SLC25A48: variants seen among roughly 807,000 people sequenced by gnomAD.
SLC25A48 encodes the protein solute carrier family 25 member 48, also known as CTC-321K16.1.
Under a neutral mutation model 32.2 loss-of-function variants are expected in SLC25A48, and 29 were observed. The observed-to-expected ratio is 0.90, with a 90% confidence interval of 0.67 to 1.23. The LOEUF is 1.23. SLC25A48 is among the 50% of genes most tolerant of loss of function. SLC25A48 has a pLI of 0.00. For synonymous variants in SLC25A48, 164 were observed against 172.3 expected (o/e 0.95, Z 0.38); for missense variants, 399 against 422.7 (o/e 0.94, Z 0.49).
chr5:135,682,867 T>C lies in SLC25A48; in HGVS notation c.-521+47911T>C, dbSNP rs552481504. 7.9e-5 allele frequency among the ~76,000 whole-genome samples: 12 copies of C among 152,372 alleles called. No individual in the cohort carries two copies. The South Asian group carries it at 1.9e-3, about 24-fold the overall frequency. ...TTTTATAGTTTTTAAAATGTAATTC[T>C]ATCCATGGTCTTACTGGGAGGCACA... On this transcript the variant is annotated intron_variant, in intron 3 of 10. Coordinates refer to the SLC25A48 transcript ENST00000646290.
At chr5:135,849,545 C>T (rs140324010) in intron 2 of SLC25A48, among the ~76,000 whole-genome samples, 7 of 152,296 alleles carry the variant, frequency 4.6e-5, no homozygotes, top group Middle Eastern at 3.4e-3. Flanking sequence ...AGTCCTTGTT[C>T]AGTCAGTGCA....
chr5:135,597,991 G>A (rs371223749), intron 1 of SLC25A48, among the ~76,000 whole-genome samples: 17 of 149,986 alleles, frequency 1.1e-4, no homozygotes, highest in African/African-American at 3.9e-4. Context: ...GTGACAGAGT[G>A]AGACTCTGTC....
intron 3 of SLC25A48, among the ~76,000 whole-genome samples, chr5:135,666,921 A>G (rs1006111100): frequency 9.2e-5 from 14 of 152,344 alleles, no homozygotes; most frequent in Middle Eastern, 3.4e-3. Context: ...AAGGTTTACC[A>G]TGAACAGATT....
rs1754067255 is a variant in SLC25A48, at chr5:135,688,374, T to G, written c.-521+53418T>G. Reference sequence around the variant, plus strand: ...ATAGTTGACTTTATTGGTGTTCTGATCTCTAGATAATCCAGATATTCCTGT... The same window carrying G: ...ATAGTTGACTTTATTGGTGTTCTGAGCTCTAGATAATCCAGATATTCCTGT... On this transcript the variant is annotated intron_variant, in intron 3 of 10. Coordinates refer to the SLC25A48 transcript ENST00000646290. Among the ~76,000 whole-genome samples, 9 of 152,202 alleles carry G rather than the reference T, an allele frequency of 5.9e-5. 1 individual carries two copies. The South Asian group carries it at 1.9e-3, about 32-fold the overall frequency.
rs1762807588 is a variant in SLC25A48 at position 135,888,336 on chromosome 5, C to T, written c.*312C>T. On this transcript the variant is annotated 3_prime_UTR_variant, in exon 8 of 8. Transcript: ENST00000681962. ...ATGAGCACCAGGGAGCCAGAAACCA[C>T]CCAGAGAAACGTTGCTTCACTCCTC... 4.9e-6 allele frequency: 2 copies of T among 409,474 alleles called. No individual in the cohort carries two copies. Among genetic ancestry groups the T allele is most frequent in the African/African-American group, 4.0e-5 (2 of 50,330 alleles). The allele number at this position is 409,474 out of a possible 1,614,324, so 25.4% of individuals were successfully genotyped here. A position where few individuals can be genotyped will look rare whatever the true frequency, so the allele number is the denominator to read the frequency against.
At chr5:135,742,380 C>T in intron 3 of SLC25A48, 1 of 1,157,176 alleles carries the variant, frequency 8.6e-7, no homozygotes, top group South Asian at 2.0e-5. Flanking sequence ...CACACCTGGC[C>T]TAGGAATCCG....
Position 135,650,432 on chromosome 5 carries a change from A to G in SLC25A48, c.-521+15476A>G, listed in dbSNP as rs1349296740. ...GCTTCCTTCACATGGGGTGGGAGAGAGCCTCCAGACACAGTGAGTTCCCAG... is the reference window on the plus strand; with the variant it reads ...GCTTCCTTCACATGGGGTGGGAGAGGGCCTCCAGACACAGTGAGTTCCCAG... On this transcript the variant is annotated intron_variant, in intron 3 of 10. Transcript: ENST00000646290. 1.1e-4 allele frequency: 50 copies of G among 456,000 alleles called. 2 individuals are homozygous for G. The highest frequency in any genetic ancestry group is 7.3e-4 in the South Asian group (47 of 64,566). The allele number at this position is 456,000 out of a possible 1,614,324, so 28.2% of individuals were successfully genotyped here. A position where few individuals can be genotyped will look rare whatever the true frequency, so the allele number is the denominator to read the frequency against.
intron 3 of SLC25A48, chr5:135,648,648 G>C (rs1018120519): frequency 3.9e-5 from 6 of 152,220 alleles, no homozygotes; most frequent in Non-Finnish European, 7.3e-5. Flanking sequence ...CAGCTCTGAG[G>C]GTTTATGATC....
intron 3 of SLC25A48, among the ~76,000 whole-genome samples, chr5:135,661,368 G>A (rs1330197997): frequency 6.6e-6 from 1 of 152,202 alleles, no homozygotes; most frequent in East Asian, 1.9e-4. Context: ...GACAGTAATG[G>A]GGTTGACAAC....
chr5:135,787,585 T>C (rs4604190), intron 3 of SLC25A48, among the ~76,000 whole-genome samples: 37,085 of 151,864 alleles, frequency 0.24, 4,966 homozygotes, highest in East Asian at 0.43. Flanking sequence ...GTAATATTAA[T>C]TGTAATTTTC....
At chr5:135,633,341 CTG>C (rs1317853000) in intron 2 of SLC25A48, among the ~76,000 whole-genome samples, 2 of 151,976 alleles carry the variant, frequency 1.3e-5, no homozygotes, top group African/African-American at 4.8e-5. Context: ...CCAAATGTAA[CTG>C]TATTTGGAGA....
At chr5:135,842,284 G>T in intron 1 of SLC25A48, 132 bp from the exon 2 acceptor site, 1 of 871,348 alleles carries the variant, frequency 1.1e-6, no homozygotes, top group Non-Finnish European at 1.9e-6. Context: ...CTAGCACATT[G>T]GAGCCCACCC....
At chr5:135,617,730 A>G (rs546780349) in intron 1 of SLC25A48, among the ~76,000 whole-genome samples, 9 of 151,872 alleles carry the variant, frequency 5.9e-5, no homozygotes, top group South Asian at 2.1e-4. Context: ...ATTCAGGGGC[A>G]TGCTGTTTAA....
intron 3 of SLC25A48, among the ~76,000 whole-genome samples, chr5:135,705,578 ATTAT>A (rs1034721300): frequency 1.3e-5 from 2 of 152,370 alleles, no homozygotes; most frequent in Middle Eastern, 3.4e-3. Context: ...ATGCACTAAC[ATTAT>A]TTAGTGCCTA....
intron 1 of SLC25A48, among the ~76,000 whole-genome samples, chr5:135,580,366 G>A (rs887464376): frequency 6.6e-6 from 1 of 152,190 alleles, no homozygotes; most frequent in African/African-American, 2.4e-5. Context: ...CCCTGGGCTT[G>A]GCTGTCAGGA....
chr5:135,672,549 C>G (rs976837417), intron 3 of SLC25A48, among the ~76,000 whole-genome samples: 10 of 152,188 alleles, frequency 6.6e-5, no homozygotes, highest in African/African-American at 2.4e-4. Flanking sequence ...GGTCACAGCT[C>G]TAGCTGCTAA....
chr5:135,841,712 G>C (rs531408969), intron 1 of SLC25A48, among the ~76,000 whole-genome samples: 15 of 151,350 alleles, frequency 9.9e-5, no homozygotes, highest in Non-Finnish European at 1.9e-4. Flanking sequence ...TGTGTGGGTG[G>C]GGGGTATAAA....
chr5:135,626,534 T>C (rs759240281), intron 1 of SLC25A48, among the ~76,000 whole-genome samples: 1 of 152,140 alleles, frequency 6.6e-6, no homozygotes, highest in Non-Finnish European at 1.5e-5. Context: ...TCCAGAGAAT[T>C]CCAGCATATA....
At chr5:135,880,483 C>CACCTCCCT (rs546136645) in intron 7 of SLC25A48, among the ~76,000 whole-genome samples, 1,887 of 152,274 alleles carry the variant, frequency 0.012, 12 homozygotes, top group Middle Eastern at 0.027. Flanking sequence ...ACCGTCTCCC[C>CACCTCCCT]ACCTCCCTAC....
Sources: allele counts gnomAD v4.1 joint callset (sites outside exome capture counted in the v4.1 genomes callset), GRCh38; gene constraint gnomAD v4.1.1; transcripts MANE v1.5; gene names NCBI Gene and HGNC (gene_info 2026-07-23, HGNC 2026-07-21).